Variants in LILRA4 observed in about 807,000 individuals in gnomAD.
LILRA4 encodes the protein leukocyte immunoglobulin like receptor A4.
Under a neutral mutation model 49.5 loss-of-function variants are expected in LILRA4, and 51 were observed. The ratio of observed to expected loss-of-function variants is 1.03; its 90% CI spans 0.82 to 1.30. LILRA4 has a LOEUF of 1.30. Among genes scored for constraint, LILRA4 ranks in the 50% most tolerant of loss-of-function variants. The pLI is 0.00. For missense variants in LILRA4, 624 were observed against 625.6 expected (o/e 1.00, Z 0.03); for synonymous variants, 272 against 265.6 (o/e 1.02, Z -0.23).
intron 6 of LILRA4, chr19:54,334,203 G>A (rs957682800): frequency 4.5e-5 from 24 of 531,794 alleles, no homozygotes; most frequent in Non-Finnish European, 4.3e-5. Context: ...GAGCCCAGGA[G>A]CTCAGGATTA....
In LILRA4 at chr19:54,337,058, T is replaced by A. The variant is rs1207482606; in HGVS notation, c.1038A>T (p.Ser346=). Residue 346 remains serine, a synonymous_variant, in exon 6 of 8, where the codon TCA becomes TCT. Coordinates refer to ENST00000291759, the MANE Select transcript of LILRA4 (RefSeq NM_012276.5). ...GAAGGAAAGTGAACATCGGGTCCCA[T>A]GACTGACACAGCAGGGTCACCTTCT... ...SGEKVTLLCQ[S]WDPMFTFLLT... 1 of 1,614,000 alleles carries A rather than the reference T, an allele frequency of 6.2e-7. No individual in the cohort carries two copies.
Position 54,339,049 on chromosome 19 carries a change from T to G in LILRA4, c.34+11A>C, listed in dbSNP as rs749221810. The G allele has an allele frequency of 1.2e-6, 2 of 1,614,076 alleles. No homozygotes were observed. The highest frequency in any genetic ancestry group is 1.7e-6 in the Non-Finnish European group (2 of 1,179,958). ...AGACTAGGGTCTCTCCTCCCCCTCT[T>G]AAGATCTCACCAAAGAAGAGCAGGC... On this transcript the variant is annotated intron_variant, in intron 1 of 7. Coordinates refer to ENST00000291759, the MANE Select transcript of LILRA4 (RefSeq NM_012276.5).
intron 6 of LILRA4, chr19:54,335,847 T>C (rs546887140): frequency 4.6e-5 from 7 of 152,334 alleles, no homozygotes; most frequent in African/African-American, 1.7e-4. Flanking sequence ...ACAATGATTA[T>C]AGATACATAT....
chr19:54,337,840 ATCTTT>A (rs1440956489), intron 4 of LILRA4, 91 bp downstream of exon 4: 4 of 1,460,936 alleles, frequency 2.7e-6, no homozygotes, highest in East Asian at 4.7e-5. Context: ...TCTTCCCCTC[ATCTTT>A]TCTTCTTGCG....
Position 54,338,689 on chromosome 19 carries a change from A to G in LILRA4, c.71-9T>C. ...GGGTTTGAGTAGGTTTTCTGGAAGGAAATTACAGGTTAGGTCCCAAGATGT... is the reference window on the plus strand; with the variant it reads ...GGGTTTGAGTAGGTTTTCTGGAAGGGAATTACAGGTTAGGTCCCAAGATGT... On this transcript the variant is annotated splice_polypyrimidine_tract_variant and intron_variant, in intron 2 of 7. Coordinates refer to ENST00000291759, the MANE Select transcript of LILRA4 (RefSeq NM_012276.5). The G allele has an allele frequency of 6.2e-7, 1 of 1,603,860 alleles. No individual in the cohort carries two copies. The highest frequency in any genetic ancestry group is 2.2e-5 in the East Asian group (1 of 44,806).
chr19:54,337,492 C>G lies in LILRA4; in HGVS notation c.860G>C (p.Arg287Pro), dbSNP rs1002404506. 82 of 1,612,460 alleles carry G rather than the reference C, an allele frequency of 5.1e-5. No homozygotes were observed. Among genetic ancestry groups the G allele is most frequent in the East Asian group, 4.2e-4 (19 of 44,846 alleles). Residue 287 changes from arginine to proline, a missense_variant, in exon 5 of 8, where the codon CGC becomes CCC. Physicochemically the swap from Arg to Pro is moderately radical, Grantham distance 103. Transcript: ENST00000291759. ...GCATCTGTACTGGCCCCCGTAGGAG[C>G]GGCTCACAGGGCTCAGGGTGAAGTT... is the stretch of plus-strand genomic sequence containing the variant. ...QANFTLSPVS[R>P]SYGGQYRCYG...
chr19:54,333,285 TAAAG>T lies in LILRA4; in HGVS notation c.*283_*286del, dbSNP rs2081289559. The T allele has an allele frequency of 2.1e-6, 1 of 479,026 alleles. No homozygotes were observed. 29.7% of individuals were successfully genotyped at this position (479,026 alleles called of 1,614,324 possible). A position where few individuals can be genotyped will look rare whatever the true frequency, so the allele number is the denominator to read the frequency against. On this transcript the variant is annotated 3_prime_UTR_variant, in exon 8 of 8. Coordinates refer to ENST00000291759, the MANE Select transcript of LILRA4 (RefSeq NM_012276.5). ...CATTAGAAAATGCAGTAGTTAGAAA[TAAAG>T]AAAGGTGTATTACCTGAAAGTGGAG...
rs747508929 is a variant in LILRA4 at position 54,337,476 on chromosome 19, C to T, written c.876G>A (p.Gln292=). Residue 292 remains glutamine, a synonymous_variant, in exon 5 of 8, where the codon CAG becomes CAA. Coordinates refer to ENST00000291759, the MANE Select transcript of LILRA4 (RefSeq NM_012276.5). Reference sequence around the variant, plus strand: ...CGTTGTGTGCGCCGTAGCATCTGTACTGGCCCCCGTAGGAGCGGCTCACAG... The same window carrying T: ...CGTTGTGTGCGCCGTAGCATCTGTATTGGCCCCCGTAGGAGCGGCTCACAG... The part of the protein sequence containing the change: ...LSPVSRSYGG[Q]YRCYGAHNVS... 8.1e-6 allele frequency: 13 copies of T among 1,612,248 alleles called. No individual in the cohort carries two copies. The highest frequency in any genetic ancestry group is 1.0e-5 in the Non-Finnish European group (12 of 1,179,830).
In LILRA4 at chr19:54,339,101, C is replaced by T. The variant is rs1035115095; in HGVS notation, c.-8G>A. The stretch of plus-strand genomic sequence containing the variant: ...TGTGAGAATGAGGGTCATGGCATCT[C>T]CTCCTCCTGGCCCTGGCTGTGCAGG... On this transcript the variant is annotated 5_prime_UTR_variant, in exon 1 of 8. Transcript: ENST00000291759. 1.9e-6 allele frequency: 3 copies of T among 1,614,158 alleles called. No individual in the cohort carries two copies. Among genetic ancestry groups the T allele is most frequent in the Non-Finnish European group, 2.5e-6 (3 of 1,179,990 alleles).
rs528201042 is a variant in LILRA4 at position 54,337,871 on chromosome 19, G to A, written c.655+65C>T. On this transcript the variant is annotated intron_variant, in intron 4 of 7. Transcript: ENST00000291759. The stretch of plus-strand genomic sequence containing the variant: ...TCTTCTTGCGTGGGCTAGCCCGAGG[G>A]TAAGGCTCCCAACAGCTCACCTGGT... The A allele has an allele frequency of 5.2e-6, 8 of 1,532,548 alleles. No individual in the cohort carries two copies. The East Asian group carries it at 1.8e-4, about 35-fold the overall frequency. 94.9% of individuals were successfully genotyped at this position (1,532,548 alleles called of 1,614,324 possible).
chr19:54,336,696 G>T (rs2081326335), intron 6 of LILRA4, 145 bp downstream of exon 6: 6 of 1,263,794 alleles, frequency 4.7e-6, no homozygotes, highest in Non-Finnish European at 6.5e-6. Flanking sequence ...GCTGAGAGAG[G>T]CTCAGGGCTC....
intron 4 of LILRA4, 34 bp from the exon 5 acceptor site, chr19:54,337,730 C>T: frequency 1.9e-6 from 3 of 1,593,172 alleles, no homozygotes; most frequent in Non-Finnish European, 2.6e-6. Context: ...CTCGGAGCGG[C>T]TGGTTCCTCC....
At position 54,333,716 on chromosome 19, in the gene LILRA4, C is replaced by A; in HGVS notation, c.1356G>T (p.Val452=). The A allele has an allele frequency of 3.7e-6, 6 of 1,614,106 alleles. No homozygotes were observed. The highest frequency in any genetic ancestry group is 5.1e-6 in the Non-Finnish European group (6 of 1,180,028). Residue 452 remains valine, a synonymous_variant, in exon 8 of 8, where the codon GTG becomes GTT. Coordinates refer to ENST00000291759, the MANE Select transcript of LILRA4 (RefSeq NM_012276.5). Reference sequence around the variant, plus strand: ...CGAGGAACAGCAGGACCAAGCCAGCCACACCCATGCGGATGAGATTCTCCA... The same window carrying A: ...CGAGGAACAGCAGGACCAAGCCAGCAACACCCATGCGGATGAGATTCTCCA... ...YTVENLIRMG[V]AGLVLLFLGI...
intron 6 of LILRA4, chr19:54,336,627 C>T: frequency 1.3e-6 from 1 of 780,700 alleles, no homozygotes; most frequent in Non-Finnish European, 2.0e-6. Flanking sequence ...CCTGTGGACC[C>T]TCCCCCTTCA....
At position 54,333,937 on chromosome 19, in the gene LILRA4, T is replaced by C; in HGVS notation, c.1284A>G (p.Gln428=). The change falls in exon 7 of 8, where the codon CAA becomes CAG. Residue 428 remains glutamine, a synonymous_variant. Coordinates refer to ENST00000291759, the MANE Select transcript of LILRA4 (RefSeq NM_012276.5). ...SGATETLNPA[Q]KKSDSKTAPH... Reference sequence around the variant, plus strand: ...CACCAGTCTTGGAATCTGACTTCTTTTGTGCTGGATTGAGGGTCTCAGTTG... The same window carrying C: ...CACCAGTCTTGGAATCTGACTTCTTCTGTGCTGGATTGAGGGTCTCAGTTG... 6.2e-7 allele frequency: 1 copy of C among 1,614,072 alleles called. No individual in the cohort carries two copies. The highest frequency in any genetic ancestry group is 8.5e-7 in the Non-Finnish European group (1 of 1,179,920).
At chr19:54,338,360 A>G (rs772614595) in intron 3 of LILRA4, 36 bp downstream of exon 3, 2 of 1,611,774 alleles carry the variant, frequency 1.2e-6, no homozygotes, top group African/African-American at 2.7e-5. Context: ...TCCCGAGGGC[A>G]GAGCCTGGGG....
chr19:54,333,487 A>C lies in LILRA4; in HGVS notation c.*85T>G. On this transcript the variant is annotated 3_prime_UTR_variant, in exon 8 of 8. Transcript: ENST00000291759. ...TACAGACACCCAGACATCTTCCTGC[A>C]CCTGACCCATGCTTCTTCCCCTTGA... The C allele has an allele frequency of 7.4e-7, 1 of 1,346,272 alleles. No individual in the cohort carries two copies. The highest frequency in any genetic ancestry group is 1.1e-6 in the Non-Finnish European group (1 of 946,546). The allele number at this position is 1,346,272 out of a possible 1,614,324, so 83.4% of individuals were successfully genotyped here. A position where few individuals can be genotyped will look rare whatever the true frequency, so the allele number is the denominator to read the frequency against.
At chr19:54,334,942 T>G (rs951926400) in intron 6 of LILRA4, 1 of 151,242 alleles carries the variant, frequency 6.6e-6, no homozygotes, top group South Asian at 2.1e-4. Context: ...ACCACTGCAC[T>G]CCAGCCTGGG....
chr19:54,334,761 CTG>C (rs1370443179), intron 6 of LILRA4: 4 of 150,068 alleles, frequency 2.7e-5, no homozygotes, highest in African/African-American at 9.8e-5. Flanking sequence ...GGTCAGGAGA[CTG>C]AGACCATCCT....
Sources: allele counts gnomAD v4.1 joint callset, GRCh38; gene constraint gnomAD v4.1.1; transcripts MANE v1.5; gene names NCBI Gene and HGNC (gene_info 2026-07-23, HGNC 2026-07-21).